Variants in EPB41L1 observed in about 807,000 individuals in gnomAD.
EPB41L1 encodes erythrocyte membrane protein band 4.1 like 1, also known as band 4.1-like protein 1.
In EPB41L1, 29 loss-of-function variants were observed where a neutral mutation model predicts 97.8. That is an observed-to-expected ratio of 0.30 (90% CI 0.22 to 0.40). The LOEUF is 0.40. EPB41L1 is among the 10% of genes least tolerant of loss of function. EPB41L1 has a pLI of 1.00. For synonymous variants in EPB41L1, 383 were observed against 459.2 expected (o/e 0.83, Z 2.12); for missense variants, 812 against 1,162.3 (o/e 0.70, Z 4.38).
chr20:36,095,159 A>T (rs2057788589), intron 1 of EPB41L1, among the ~76,000 whole-genome samples: 1 of 152,058 alleles, frequency 6.6e-6, no homozygotes, highest in Non-Finnish European at 1.5e-5. Flanking sequence ...TTTAGTAGGG[A>T]CAGGGTTTTG....
At chr20:36,096,464 A>C (rs1398369904) in intron 1 of EPB41L1, among the ~76,000 whole-genome samples, 1 of 152,192 alleles carries the variant, frequency 6.6e-6, no homozygotes, top group African/African-American at 2.4e-5. Context: ...ACTTCTCTGG[A>C]CAACAGCCAC....
At position 36,188,379 on chromosome 20, in the gene EPB41L1, T is replaced by A; in HGVS notation, c.906T>A (p.Val302=). The change falls in exon 9 of 22, where the codon GTT becomes GTA. Residue 302 remains valine (V), a synonymous_variant. Transcript: ENST00000338074. The part of the protein sequence containing the change: ...DSEGIDIMLG[V]CANGLLIYRD... ...AGGGCATCGACATCATGTTAGGCGTTTGTGCCAATGGCCTGCTCATCTACC... is the reference window on the plus strand; with the variant it reads ...AGGGCATCGACATCATGTTAGGCGTATGTGCCAATGGCCTGCTCATCTACC... 6.2e-7 allele frequency: 1 copy of A among 1,613,884 alleles called. No homozygotes were observed. The highest frequency in any genetic ancestry group is 8.5e-7 in the Non-Finnish European group (1 of 1,180,006).
intron 2 of EPB41L1, among the ~76,000 whole-genome samples, chr20:36,129,178 G>C (rs934948988): frequency 1.3e-5 from 2 of 152,110 alleles, no homozygotes; most frequent in Non-Finnish European, 2.9e-5. Context: ...GAGTGGTTTG[G>C]TTTGCGAGTC....
chr20:36,166,831 C>G (rs2060757285), intron 1 of EPB41L1, among the ~76,000 whole-genome samples: 1 of 152,062 alleles, frequency 6.6e-6, no homozygotes, highest in African/African-American at 2.4e-5. Flanking sequence ...TGCCACTGCA[C>G]TCCAGTCTGG....
intron 7 of EPB41L1, among the ~76,000 whole-genome samples, chr20:36,185,907 G>A (rs113587548): frequency 5.4e-4 from 82 of 152,274 alleles, no homozygotes; most frequent in African/African-American, 1.9e-3. Context: ...TCTGTGGATC[G>A]AGGGGTTGAA....
intron 2 of EPB41L1, among the ~76,000 whole-genome samples, chr20:36,123,247 C>G (rs577397050): frequency 6.6e-6 from 1 of 151,988 alleles, no homozygotes; most frequent in Non-Finnish European, 1.5e-5. Context: ...CTGTTCCTCC[C>G]GACCTTCAGA....
At chr20:36,217,544 T>G (rs1190609164) in intron 17 of EPB41L1, among the ~76,000 whole-genome samples, 2 of 151,918 alleles carry the variant, frequency 1.3e-5, no homozygotes, top group African/African-American at 4.8e-5. Context: ...AGTGTGAAGG[T>G]GGAGGTGAGG....
intron 2 of EPB41L1, chr20:36,125,363 C>A: frequency 1.4e-6 from 1 of 696,894 alleles, no homozygotes; most frequent in Non-Finnish European, 2.6e-6. Context: ...CCCTTATCAA[C>A]CGTGTGACTT....
intron 1 of EPB41L1, chr20:36,155,483 G>A (rs772013523): frequency 9.6e-6 from 4 of 417,732 alleles, no homozygotes; most frequent in Admixed American, 2.6e-5. Flanking sequence ...GAGGGCTTGT[G>A]TGTCCCACTT....
intron 14 of EPB41L1, chr20:36,205,837 A>G (rs1018451544): frequency 8.6e-6 from 11 of 1,276,022 alleles, no homozygotes; most frequent in African/African-American, 3.1e-5. Context: ...TCTTGCTCCA[A>G]TTGAAACACA....
intron 2 of EPB41L1, among the ~76,000 whole-genome samples, chr20:36,139,960 C>T (rs1392519272): frequency 6.6e-6 from 1 of 152,106 alleles, no homozygotes; most frequent in African/African-American, 2.4e-5. Context: ...GAACTCCCGA[C>T]CTCAGGTGAT....
intron 1 of EPB41L1, among the ~76,000 whole-genome samples, chr20:36,111,660 G>A (rs1302311885): frequency 2.6e-5 from 4 of 151,906 alleles, no homozygotes; most frequent in Non-Finnish European, 5.9e-5. Flanking sequence ...TGTGGCGCAC[G>A]CCTGTAATCC....
intron 1 of EPB41L1, among the ~76,000 whole-genome samples, chr20:36,162,987 C>T (rs916405939): frequency 6.6e-6 from 1 of 152,190 alleles, no homozygotes; most frequent in Non-Finnish European, 1.5e-5. Context: ...CAGCCTGTAC[C>T]CTCCATCCTT....
At chr20:36,219,890 G>A (rs1365595705) in intron 19 of EPB41L1, 46 bp downstream of exon 19, 5 of 1,522,942 alleles carry the variant, frequency 3.3e-6, no homozygotes, top group East Asian at 2.3e-5. Context: ...AGCTGCAGGC[G>A]AGAAGGTCAT....
intron 2 of EPB41L1, 74 bp from the exon 3 acceptor site, chr20:36,175,477 A>G: frequency 1.3e-6 from 2 of 1,581,124 alleles, no homozygotes; most frequent in Non-Finnish European, 8.7e-7. Flanking sequence ...ATGCCTCTAT[A>G]TTGCTTCTTA....
chr20:36,164,589 A>G (rs2060661269), intron 1 of EPB41L1, among the ~76,000 whole-genome samples: 1 of 152,352 alleles, frequency 6.6e-6, no homozygotes, highest in East Asian at 1.9e-4. Flanking sequence ...TGCTGTGCCT[A>G]TGCATACAAA....
At chr20:36,095,534 T>C (rs1321314609) in intron 1 of EPB41L1, among the ~76,000 whole-genome samples, 1 of 152,256 alleles carries the variant, frequency 6.6e-6, no homozygotes, top group Non-Finnish European at 1.5e-5. Context: ...GCTAGGCAGC[T>C]AGTGGGCTAG....
chr20:36,214,283 G>A, intron 16 of EPB41L1, 74 bp from the exon 17 acceptor site: 2 of 1,195,300 alleles, frequency 1.7e-6, no homozygotes, highest in South Asian at 2.5e-5. Context: ...TAACTGGGAG[G>A]CCGTGAGCCC....
At chr20:36,127,385 A>G (rs2059013277) in intron 2 of EPB41L1, among the ~76,000 whole-genome samples, 1 of 152,138 alleles carries the variant, frequency 6.6e-6, no homozygotes, top group African/African-American at 2.4e-5. Flanking sequence ...GCTTTGGTGA[A>G]TGGAAGGGCC....
Sources: allele counts gnomAD v4.1 joint callset (sites outside exome capture counted in the v4.1 genomes callset), GRCh38; gene constraint gnomAD v4.1.1; transcripts MANE v1.5; gene names NCBI Gene and HGNC (gene_info 2026-07-23, HGNC 2026-07-21).